The following THSD7B variants were observed in gnomAD, a reference collection of about 807,000 sequenced individuals.
THSD7B encodes thrombospondin type 1 domain containing 7B, also known as thrombospondin type-1 domain-containing protein 7B.
A neutral mutation model predicts 213.6 loss-of-function variants in THSD7B; 138 were observed. The ratio of observed to expected loss-of-function variants is 0.65; its 90% CI spans 0.56 to 0.74. The LOEUF (loss-of-function observed/expected upper bound fraction) is 0.74. THSD7B is among the 30% of genes least tolerant of loss of function. THSD7B has a pLI of 0.00. For synonymous variants in THSD7B, 742 were observed against 687.0 expected (o/e 1.08, Z -1.25); for missense variants, 1,931 against 1,991.5 (o/e 0.97, Z 0.58).
chr2:136,960,393 C>G (rs1025230256), intron 2 of THSD7B, among the ~76,000 whole-genome samples: 18 of 152,234 alleles, frequency 1.2e-4, no homozygotes, highest in African/African-American at 4.1e-4. Flanking sequence ...CCCACCTTGG[C>G]CGCTTGAAGT....
At chr2:137,059,025 G>T (rs1687221833) in intron 3 of THSD7B, among the ~76,000 whole-genome samples, 1 of 152,114 alleles carries the variant, frequency 6.6e-6, no homozygotes, top group African/African-American at 2.4e-5. Context: ...CATAGTTTGG[G>T]AATTTAAATG....
chr2:136,986,413 C>T (rs1051276500), intron 2 of THSD7B, among the ~76,000 whole-genome samples: 6 of 152,158 alleles, frequency 3.9e-5, no homozygotes, highest in African/African-American at 1.2e-4. Flanking sequence ...CTTCTGCTCT[C>T]GCCATATGAC....
intron 15 of THSD7B, among the ~76,000 whole-genome samples, chr2:137,471,177 C>T (rs1688087821): frequency 6.6e-6 from 1 of 152,036 alleles, no homozygotes; most frequent in African/African-American, 2.4e-5. Flanking sequence ...AGCCTCGGCC[C>T]CCCAAAGTGC....
chr2:137,081,907 C>A (rs572225091), intron 3 of THSD7B, among the ~76,000 whole-genome samples: 1 of 152,064 alleles, frequency 6.6e-6, no homozygotes, highest in East Asian at 1.9e-4. Context: ...AGGAAAAGGG[C>A]GGTATCTTGT....
intron 15 of THSD7B, chr2:137,479,433 C>A: frequency 2.9e-6 from 1 of 340,736 alleles, no homozygotes; most frequent in Non-Finnish European, 5.9e-6. Flanking sequence ...CAGGTGCTGG[C>A]TGTGGCAGAC....
At position 137,231,144 on chromosome 2, in the gene THSD7B, G is replaced by A. The variant is rs568597367; in HGVS notation, c.1824G>A (p.Thr608=). 48 of 1,613,750 alleles carry A rather than the reference G, an allele frequency of 3.0e-5. No individual in the cohort carries two copies. Among genetic ancestry groups the A allele is most frequent in the Non-Finnish European group, 3.6e-5 (43 of 1,179,788 alleles). ...CRMDCVLSEW[T]EWSSCSQSCS... is the part of the protein sequence containing the mutation. Reference sequence around the variant, plus strand: ...TGGACTGTGTGCTGAGCGAGTGGACGGAGTGGTCATCCTGTTCCCAGTCCT... The same window carrying A: ...TGGACTGTGTGCTGAGCGAGTGGACAGAGTGGTCATCCTGTTCCCAGTCCT... Residue 608 remains threonine (T), a synonymous_variant, in exon 8 of 28, where the codon ACG becomes ACA. Transcript: ENST00000409968.
intron 1 of THSD7B, among the ~76,000 whole-genome samples, chr2:136,830,413 A>ATGAATG (rs1283535421): frequency 6.6e-6 from 1 of 151,164 alleles, no homozygotes; most frequent in African/African-American, 2.4e-5. Flanking sequence ...CAGTGATCCT[A>ATGAATG]TGTTTTTCCA....
chr2:137,069,628 C>A (rs62171234), intron 3 of THSD7B, among the ~76,000 whole-genome samples: 1 of 151,836 alleles, frequency 6.6e-6, no homozygotes, highest in Non-Finnish European at 1.5e-5. Flanking sequence ...AATTTTAAGA[C>A]GATTTTTTAA....
rs1171772117 is a variant in THSD7B, at chr2:137,232,940, C to T, written c.1957C>T (p.Arg653Cys). Residue 653 changes from arginine (R) to cysteine (C), a missense_variant, in exon 9 of 28, where the codon CGT (arginine) becomes TGT (cysteine). By Grantham distance (180) the Arg-to-Cys change is radical. Transcript: ENST00000409968. The part of the protein sequence containing the change: ...CPPSQALQEH[R>C]LCNDHSCMQL... ...CCCTAGTCAGGCTCTCCAAGAGCAT[C>T]GTTTGTGTAATGACCATTCCTGTAT... The T allele has an allele frequency of 4.3e-6, 7 of 1,613,792 alleles. No individual in the cohort carries two copies. The East Asian group carries it at 6.7e-5, about 15-fold the overall frequency.
At chr2:137,119,730 C>A (rs774206170) in intron 5 of THSD7B, among the ~76,000 whole-genome samples, 1 of 151,986 alleles carries the variant, frequency 6.6e-6, no homozygotes, top group Non-Finnish European at 1.5e-5. Flanking sequence ...GATTTTTAAA[C>A]AGAAAGGAAA....
At chr2:136,769,247 C>G (rs1447122308) in intron 1 of THSD7B, among the ~76,000 whole-genome samples, 2 of 152,152 alleles carry the variant, frequency 1.3e-5, no homozygotes, top group East Asian at 3.8e-4. Context: ...GGAATCCCAG[C>G]CACTGAATTC....
At chr2:137,064,604 GT>G (rs1010136146) in intron 3 of THSD7B, among the ~76,000 whole-genome samples, 3 of 151,718 alleles carry the variant, frequency 2.0e-5, no homozygotes, top group African/African-American at 7.3e-5. Context: ...TTTCCTCAGT[GT>G]TTTTTTGATT....
intron 2 of THSD7B, among the ~76,000 whole-genome samples, chr2:136,895,514 CTTTTTTTTTTTTT>C (rs71301798): frequency 8.1e-5 from 6 of 73,908 alleles, no homozygotes; most frequent in African/African-American, 2.5e-4. Flanking sequence ...CAAGTGGAGA[CTTTTTTTTTTTTT>C]TTTTTTTTTT....
intron 15 of THSD7B, among the ~76,000 whole-genome samples, chr2:137,453,565 G>A (rs939076012): frequency 6.6e-6 from 1 of 152,006 alleles, no homozygotes; most frequent in African/African-American, 2.4e-5. Flanking sequence ...TCCTGACCTC[G>A]TGCTCTGCCC....
chr2:137,622,457 GC>G (rs1682538453), intron 20 of THSD7B, among the ~76,000 whole-genome samples: 1 of 152,000 alleles, frequency 6.6e-6, no homozygotes, highest in Non-Finnish European at 1.5e-5. Context: ...CTAGCAGAAG[GC>G]AAAAAATAAC....
chr2:137,491,523 T>G (rs1252432503), intron 15 of THSD7B, among the ~76,000 whole-genome samples: 1 of 152,218 alleles, frequency 6.6e-6, no homozygotes, highest in African/African-American at 2.4e-5. Context: ...CATAGTTAAC[T>G]TTTACTCCCT....
chr2:136,793,135 T>G (rs1681997658), intron 1 of THSD7B, among the ~76,000 whole-genome samples: 7 of 152,048 alleles, frequency 4.6e-5, no homozygotes, highest in Admixed American at 4.6e-4. Context: ...TTAATATAAG[T>G]TTAACTTTTA....
intron 3 of THSD7B, among the ~76,000 whole-genome samples, chr2:137,070,036 T>G (rs1233311916): frequency 6.6e-6 from 1 of 151,814 alleles, no homozygotes; most frequent in Non-Finnish European, 1.5e-5. Context: ...TTGTACATAT[T>G]GAACATTAAC....
chr2:137,285,948 A>G (rs903743854), intron 12 of THSD7B, among the ~76,000 whole-genome samples: 2 of 151,900 alleles, frequency 1.3e-5, no homozygotes, highest in African/African-American at 4.8e-5. Context: ...TACTAAAAAT[A>G]CAAAAATTAG....
Sources: gnomAD v4.1 joint callset for allele counts (sites outside exome capture counted in the v4.1 genomes callset) on GRCh38, gnomAD v4.1.1 for gene constraint, MANE v1.5 for transcripts, NCBI Gene and HGNC (gene_info 2026-07-23, HGNC 2026-07-21) for gene names.